The following DIAPH2 variants were observed in gnomAD, a reference collection of about 807,000 sequenced individuals.
DIAPH2 encodes the protein diaphanous related formin 2, also known as protein diaphanous homolog 2.
A neutral mutation model predicts 92.7 loss-of-function variants in DIAPH2; 35 were observed. The ratio of observed to expected loss-of-function variants is 0.38; its 90% CI spans 0.29 to 0.50. The LOEUF (loss-of-function observed/expected upper bound fraction) is 0.50. Among genes scored for constraint, DIAPH2 ranks in the 20% least tolerant of loss-of-function variants. The pLI is 0.94. For missense variants in DIAPH2, 701 were observed against 819.5 expected, an observed-to-expected ratio of 0.86 and a Z score of 1.77; for synonymous variants, 301 against 280.4, an observed-to-expected ratio of 1.07 and a Z score of -0.73.
At chrX:97,135,381 G>GT (rs750161287) in intron 21 of DIAPH2, among the ~76,000 whole-genome samples, 2 of 110,327 alleles carry the variant, frequency 1.8e-5, no homozygotes, top group East Asian at 2.8e-4. Flanking sequence ...GTTTTGTTTT[G>GT]TTTTTTTGTA....
At chrX:96,855,291 G>A (rs1269030007) in intron 4 of DIAPH2, among the ~76,000 whole-genome samples, 4 of 110,185 alleles carry the variant, frequency 3.6e-5, no homozygotes, top group African/African-American at 1.3e-4. Flanking sequence ...ATTGAGAGCC[G>A]AGGGACTATC....
At chrX:96,906,955 C>T (rs1213567945) in intron 5 of DIAPH2, among the ~76,000 whole-genome samples, 3 of 111,613 alleles carry the variant, frequency 2.7e-5, no homozygotes, top group Non-Finnish European at 5.6e-5. Context: ...TGCTGGTTCA[C>T]TCAAACATTA....
intron 24 of DIAPH2, among the ~76,000 whole-genome samples, chrX:97,378,280 G>A (rs1301893609): frequency 2.7e-5 from 3 of 109,996 alleles, no homozygotes; most frequent in Non-Finnish European, 5.7e-5. Context: ...CTACTCGAGA[G>A]GCTGAGGTGG....
At chrX:97,388,105 A>G (rs923863207) in intron 25 of DIAPH2, among the ~76,000 whole-genome samples, 6 of 111,198 alleles carry the variant, frequency 5.4e-5, no homozygotes. Context: ...AGAACAACAG[A>G]TACATGTTGT....
chrX:96,884,567 C>A lies in DIAPH2; in HGVS notation c.587+2849C>A, dbSNP rs769222965. 4 of 1,208,409 alleles carry A rather than the reference C, an allele frequency of 3.3e-6. No individual in the cohort carries two copies. In the African/African-American group the frequency reaches 7.1e-5, roughly 21 times the overall value. On this transcript the variant is annotated intron_variant, in intron 5 of 26. Transcript: ENST00000324765. The stretch of plus-strand genomic sequence containing the variant: ...GGGGTAATCAGAGGGGCAGAGAAGG[C>A]TTCAAATCACATTTGTTACAAAATT...
chrX:97,334,412 G>T (rs1441848561), intron 23 of DIAPH2, among the ~76,000 whole-genome samples: 2 of 102,900 alleles, frequency 1.9e-5, no homozygotes, highest in Non-Finnish European at 2.0e-5. Flanking sequence ...GCAGTGAGCC[G>T]AGATCGCGCC....
intron 23 of DIAPH2, among the ~76,000 whole-genome samples, chrX:97,261,194 C>T (rs779698596): frequency 6.2e-5 from 7 of 112,203 alleles, no homozygotes; most frequent in South Asian, 3.7e-4. Flanking sequence ...CAAGTGCACA[C>T]GTGTGTGTGT....
intron 9 of DIAPH2, among the ~76,000 whole-genome samples, chrX:96,924,739 G>A (rs984797778): frequency 9.0e-6 from 1 of 111,121 alleles, no homozygotes; most frequent in Non-Finnish European, 1.9e-5. Context: ...AGTGGGAGGC[G>A]AAGGGGAAGC....
In DIAPH2 at chrX:97,352,636, A is replaced by G. The variant is rs758111504; in HGVS notation, c.3009+4356A>G. On this transcript the variant is annotated intron_variant, in intron 24 of 26. Transcript: ENST00000324765. ...GGTAATCCCAGCACTTTGGGAGGCCAAGGTGGGCAGATCACGAGGTCAGGA... is the reference window on the plus strand; with the variant it reads ...GGTAATCCCAGCACTTTGGGAGGCCGAGGTGGGCAGATCACGAGGTCAGGA... Among the ~76,000 whole-genome samples, 32 of 108,565 alleles carry G rather than the reference A, an allele frequency of 2.9e-4. 1 individual carries two copies. Among genetic ancestry groups the G allele is most frequent in the Middle Eastern group, 4.8e-3 (1 of 209 alleles). 94.3% of individuals were successfully genotyped at this position (108,565 alleles called of 115,157 possible).
At chrX:96,931,137 T>G (rs1383233858) in intron 10 of DIAPH2, among the ~76,000 whole-genome samples, 1 of 111,450 alleles carries the variant, frequency 9.0e-6, no homozygotes, top group East Asian at 2.8e-4. Flanking sequence ...ATGAGACTTT[T>G]TTTTTGGAGT....
At chrX:97,220,082 T>C (rs1432904191) in intron 22 of DIAPH2, among the ~76,000 whole-genome samples, 3 of 111,404 alleles carry the variant, frequency 2.7e-5, no homozygotes, top group Non-Finnish European at 5.7e-5. Context: ...GAGCAGAAAA[T>C]TACACCTATA....
intron 22 of DIAPH2, among the ~76,000 whole-genome samples, chrX:97,154,486 C>T (rs911108269): frequency 9.0e-6 from 1 of 111,652 alleles, no homozygotes; most frequent in African/African-American, 3.3e-5. Context: ...TATCTAATCA[C>T]ATCATATAAA....
chrX:97,207,925 G>T (rs371540917), intron 22 of DIAPH2, among the ~76,000 whole-genome samples: 1 of 111,464 alleles, frequency 9.0e-6, no homozygotes, highest in East Asian at 2.8e-4. Flanking sequence ...ATGCCATGGT[G>T]GGTGGATCAC....
chrX:97,409,724 G>A (rs758254788), intron 25 of DIAPH2, among the ~76,000 whole-genome samples: 4 of 112,314 alleles, frequency 3.6e-5, no homozygotes, highest in South Asian at 3.8e-4. Context: ...ATTATATCCC[G>A]TGCCTGGCTC....
chrX:97,275,314 G>A (rs949969940), intron 23 of DIAPH2, among the ~76,000 whole-genome samples: 12 of 12,560 alleles, frequency 9.6e-4, no homozygotes, highest in East Asian at 3.7e-3. Flanking sequence ...CTGGCCCGGC[G>A]GGGGCTGTCC....
At chrX:97,061,572 G>A (rs2066597697) in intron 17 of DIAPH2, among the ~76,000 whole-genome samples, 1 of 110,857 alleles carries the variant, frequency 9.0e-6, no homozygotes, top group African/African-American at 3.3e-5. Context: ...ACTTTGGGAG[G>A]CTGAGGCAGG....
chrX:96,908,801 G>A (rs1369789813), intron 5 of DIAPH2, among the ~76,000 whole-genome samples: 1 of 111,270 alleles, frequency 9.0e-6, no homozygotes, highest in East Asian at 2.9e-4. Context: ...GGGTTTCACC[G>A]TGTTAGCCAG....
chrX:96,784,337 G>A (rs2064439778), intron 4 of DIAPH2, among the ~76,000 whole-genome samples: 1 of 111,739 alleles, frequency 8.9e-6, no homozygotes, highest in South Asian at 3.7e-4. Context: ...TGTGTTCATT[G>A]TCTACTTGTT....
chrX:97,281,454 A>G (rs1267505504), intron 23 of DIAPH2, among the ~76,000 whole-genome samples: 2 of 111,139 alleles, frequency 1.8e-5, no homozygotes, highest in Admixed American at 1.9e-4. Context: ...GAACACATAC[A>G]AAGAAGGAGG....
Sources: allele counts gnomAD v4.1 joint callset (sites outside exome capture counted in the v4.1 genomes callset), GRCh38; gene constraint gnomAD v4.1.1; transcripts MANE v1.5; gene names NCBI Gene and HGNC (gene_info 2026-07-23, HGNC 2026-07-21).